The following MBTPS2 variants were observed in gnomAD, a reference collection of about 807,000 sequenced individuals.
MBTPS2 encodes membrane bound transcription factor peptidase, site 2, also known as membrane-bound transcription factor site-2 protease.
Under a neutral mutation model 35.4 loss-of-function variants are expected in MBTPS2, and 2 were observed. The ratio of observed to expected loss-of-function variants is 0.06; its 90% CI spans 0.02 to 0.18. MBTPS2 has a LOEUF of 0.18. MBTPS2 is among the 10% of genes least tolerant of loss of function. MBTPS2 has a pLI of 1.00. For synonymous variants in MBTPS2, 125 were observed against 140.4 expected (o/e 0.89, Z 0.77); for missense variants, 244 against 386.5 (o/e 0.63, Z 3.09).
intron 8 of MBTPS2, 73 bp downstream of exon 8, chrX:21,878,209 A>G: frequency 1.4e-6 from 1 of 700,030 alleles, no homozygotes; most frequent in Non-Finnish European, 2.3e-6. Context: ...GCTAAAATGG[A>G]ATCTATGGAA....
chrX:21,865,727 T>C (rs1363960309), intron 5 of MBTPS2, among the ~76,000 whole-genome samples: 1 of 112,634 alleles, frequency 8.9e-6, no homozygotes, highest in Non-Finnish European at 1.9e-5. Context: ...GTTGTTATTT[T>C]ACCTATTCAG....
chrX:21,846,940 G>C, intron 3 of MBTPS2, among the ~76,000 whole-genome samples: 1 of 111,693 alleles, frequency 9.0e-6, no homozygotes, highest in Non-Finnish European at 1.9e-5. Flanking sequence ...TATTTTAGAA[G>C]TGATAAAGAT....
intron 5 of MBTPS2, among the ~76,000 whole-genome samples, chrX:21,862,700 A>G (rs1275451830): frequency 7.8e-5 from 8 of 103,207 alleles, no homozygotes; most frequent in Non-Finnish European, 1.4e-4. Flanking sequence ...AGTCCCAGCT[A>G]CTCTGGAGGC....
At position 21,868,594 on chromosome X, in the gene MBTPS2, T is replaced by C. The variant is rs1423489870; in HGVS notation, c.789+9T>C. On this transcript the variant is annotated intron_variant, in intron 6 of 10. Coordinates refer to ENST00000379484, the MANE Select transcript of MBTPS2 (RefSeq NM_015884.4). The stretch of plus-strand genomic sequence containing the variant: ...TCACTGAAGTTGCTGAGGTAAATAA[T>C]GGATTACTCAGGGCATTCTTTCATC... The C allele has an allele frequency of 2.7e-6, 3 of 1,099,694 alleles. No individual in the cohort carries two copies. Among genetic ancestry groups the C allele is most frequent in the Admixed American group, 4.4e-5 (2 of 45,614 alleles). The allele number at this position is 1,099,694 out of a possible 1,213,427, so 90.6% of individuals were successfully genotyped here.
intron 3 of MBTPS2, among the ~76,000 whole-genome samples, chrX:21,848,909 T>G (rs1028937646): frequency 1.8e-5 from 2 of 111,891 alleles, no homozygotes; most frequent in Admixed American, 9.4e-5. Context: ...TAAAAGGCCT[T>G]GAAAGAAAAG....
intron 4 of MBTPS2, among the ~76,000 whole-genome samples, chrX:21,852,795 TTC>T (rs1449456580): frequency 9.1e-6 from 1 of 110,012 alleles, no homozygotes; most frequent in East Asian, 2.8e-4. Flanking sequence ...TAAAAAATGG[TTC>T]TCTTTTTTTT....
intron 2 of MBTPS2, 25 bp downstream of exon 2, chrX:21,843,343 GT>G: frequency 8.4e-7 from 1 of 1,193,743 alleles, no homozygotes; most frequent in East Asian, 3.0e-5. Context: ...CTTTTGTTTG[GT>G]TTAGGTTAAT....
chrX:21,859,015 G>C lies in MBTPS2; in HGVS notation c.670+5512G>C, dbSNP rs752843892. On this transcript the variant is annotated intron_variant, in intron 5 of 10. Coordinates refer to ENST00000379484, the MANE Select transcript of MBTPS2 (RefSeq NM_015884.4). ...AAGGTCAGGAGTTCAAGACCAGCCT[G>C]TCCAACATGGTGAAACCATCCCCCG... 1.1e-4 allele frequency among the ~76,000 whole-genome samples: 12 copies of C among 109,830 alleles called. No homozygotes were observed. The Admixed American group carries it at 1.2e-3, about 11-fold the overall frequency.
At chrX:21,866,744 G>A (rs935957270) in intron 5 of MBTPS2, among the ~76,000 whole-genome samples, 4 of 110,449 alleles carry the variant, frequency 3.6e-5, no homozygotes, top group African/African-American at 1.3e-4. Context: ...ATCCTAATGT[G>A]GGCCAGGCGT....
At chrX:21,849,982 G>A (rs935016127) in intron 3 of MBTPS2, among the ~76,000 whole-genome samples, 2 of 100,094 alleles carry the variant, frequency 2.0e-5, no homozygotes, top group African/African-American at 3.7e-5. Flanking sequence ...AGCCGAGATC[G>A]CGCCATTGCA....
intron 3 of MBTPS2, among the ~76,000 whole-genome samples, chrX:21,850,367 G>A (rs1276168099): frequency 2.7e-5 from 3 of 111,427 alleles, no homozygotes; most frequent in African/African-American, 9.8e-5. Context: ...AGACTAGAAG[G>A]ACATACATCA....
rs757283059 is a variant in MBTPS2 at position 21,860,025 on chromosome X, G to A, written c.670+6522G>A. Among the ~76,000 whole-genome samples, 733 of 107,902 alleles carry A rather than the reference G, an allele frequency of 6.8e-3. 12 individuals are homozygous for A. The Admixed American group carries it at 0.07, about 10-fold the overall frequency. 93.7% of individuals were successfully genotyped at this position (107,902 alleles called of 115,157 possible). Reference sequence around the variant, plus strand: ...GAGGATCACTGGAGCTGGGGAAGTCGAGGCTGCGGTGAGCCGTGATCGAGC... The same window carrying A: ...GAGGATCACTGGAGCTGGGGAAGTCAAGGCTGCGGTGAGCCGTGATCGAGC... On this transcript the variant is annotated intron_variant, in intron 5 of 10. Coordinates refer to ENST00000379484, the MANE Select transcript of MBTPS2 (RefSeq NM_015884.4).
chrX:21,848,045 C>A (rs2092910399), intron 3 of MBTPS2, among the ~76,000 whole-genome samples: 1 of 112,592 alleles, frequency 8.9e-6, no homozygotes, highest in African/African-American at 3.2e-5. Context: ...GAATTAAAAG[C>A]AACCAAAATA....
chrX:21,856,351 C>T, intron 5 of MBTPS2: 2 of 612,161 alleles, frequency 3.3e-6, no homozygotes, highest in Non-Finnish European at 5.1e-6. Context: ...CCTTTCTCTG[C>T]AGCTCGCGCC....
intron 5 of MBTPS2, among the ~76,000 whole-genome samples, chrX:21,861,006 GATAAA>G (rs2147441661): frequency 9.0e-6 from 1 of 111,638 alleles, no homozygotes; most frequent in South Asian, 3.7e-4. Context: ...AAACTGGAAA[GATAAA>G]ATTATAATAC....
chrX:21,878,267 T>A, intron 8 of MBTPS2, 131 bp downstream of exon 8: 2 of 536,731 alleles, frequency 3.7e-6, no homozygotes, highest in Non-Finnish European at 3.2e-6. Context: ...AATCTCTACA[T>A]TTCACATGTC....
chrX:21,860,889 T>A (rs1213239472), intron 5 of MBTPS2, among the ~76,000 whole-genome samples: 5 of 112,312 alleles, frequency 4.5e-5, no homozygotes, highest in African/African-American at 1.3e-4. Flanking sequence ...CACAAGTGAA[T>A]ATCTTTTATA....
At chrX:21,856,255 T>C in intron 5 of MBTPS2, 1 of 414,462 alleles carries the variant, frequency 2.4e-6, no homozygotes, top group Non-Finnish European at 4.1e-6. Flanking sequence ...CACCTGCGCC[T>C]TCCGGCTCGT....
intron 2 of MBTPS2, among the ~76,000 whole-genome samples, chrX:21,844,450 G>T (rs1339969440): frequency 8.9e-6 from 1 of 111,974 alleles, no homozygotes; most frequent in Non-Finnish European, 1.9e-5. Flanking sequence ...GGAGGTGAAG[G>T]CTGCAGTGAG....
Sources: gnomAD v4.1 joint callset for allele counts (sites outside exome capture counted in the v4.1 genomes callset) on GRCh38, gnomAD v4.1.1 for gene constraint, MANE v1.5 for transcripts, NCBI Gene and HGNC (gene_info 2026-07-23, HGNC 2026-07-21) for gene names.